Variants in UACA observed in about 807,000 individuals in gnomAD.
UACA encodes nuclear membrane binding protein.
In UACA, 112 loss-of-function variants were observed where a neutral mutation model predicts 160.5. The ratio of observed to expected loss-of-function variants is 0.70; its 90% confidence interval spans 0.60 to 0.82. The LOEUF (loss-of-function observed/expected upper bound fraction) is 0.82, where lower values mean the gene tolerates loss of function less well. UACA is among the 40% of genes least tolerant of loss of function. The pLI, the probability that UACA is intolerant of heterozygous loss-of-function variation, is 0.00. For synonymous variants in UACA, 557 were observed against 568.4 expected, an observed-to-expected ratio of 0.98 and a Z score of 0.29; for missense variants, 1,574 against 1,614.6, an observed-to-expected ratio of 0.97 and a Z score of 0.43.
intron 1 of UACA, among the ~76,000 whole-genome samples, chr15:70,718,136 G>C (rs919256004): frequency 6.6e-6 from 1 of 150,780 alleles, no homozygotes; most frequent in Non-Finnish European, 1.5e-5. Context: ...CATTTAAAAA[G>C]GGATATACTC....
intron 5 of UACA, among the ~76,000 whole-genome samples, chr15:70,689,669 G>GT (rs1244618896): frequency 6.6e-5 from 10 of 151,718 alleles, no homozygotes; most frequent in Non-Finnish European, 1.3e-4. Flanking sequence ...AAAGTAGACT[G>GT]TTTTTTTTCC....
At chr15:70,760,826 A>G (rs1389559038) in intron 1 of UACA, among the ~76,000 whole-genome samples, 2 of 152,032 alleles carry the variant, frequency 1.3e-5, no homozygotes, top group Non-Finnish European at 2.9e-5. Context: ...AAAAAACAGA[A>G]AAAGAAAAAT....
chr15:70,720,970 T>C (rs1190174744), intron 1 of UACA, among the ~76,000 whole-genome samples: 1 of 152,226 alleles, frequency 6.6e-6, no homozygotes, highest in African/African-American at 2.4e-5. Flanking sequence ...TCCATCATTC[T>C]GGATCTTAGG....
At position 70,671,946 on chromosome 15, in the gene UACA, T is replaced by C; in HGVS notation, c.1168+19A>G. 1 of 1,584,552 alleles carries C rather than the reference T, an allele frequency of 6.3e-7. No individual in the cohort carries two copies. The highest frequency in any genetic ancestry group is 8.6e-7 in the Non-Finnish European group (1 of 1,163,514). Reference sequence around the variant, plus strand: ...TGAACTAGGTGAACTGTAATGATAATCCATACTTTTATACTTACGGTTACT... The same window carrying C: ...TGAACTAGGTGAACTGTAATGATAACCCATACTTTTATACTTACGGTTACT... On this transcript the variant is annotated intron_variant, in intron 14 of 18. Transcript: ENST00000322954.
intron 9 of UACA, among the ~76,000 whole-genome samples, chr15:70,681,027 C>T (rs1331043572): frequency 6.6e-6 from 1 of 152,228 alleles, no homozygotes. Flanking sequence ...ACATGTCTAA[C>T]CTGCTCCCTC....
intron 1 of UACA, among the ~76,000 whole-genome samples, chr15:70,744,642 G>T (rs184354281): frequency 1.3e-5 from 2 of 152,328 alleles, no homozygotes; most frequent in East Asian, 3.9e-4. Flanking sequence ...CCTCAGGGGT[G>T]ACAGAAGAAA....
In UACA at chr15:70,667,379, G is replaced by C. The variant is rs771016231; in HGVS notation, c.3305C>G (p.Ala1102Gly). ...TTGTTTTTGCAAAAGATTTTGCACT[G>C]CAAGTATCTCAGAAGTCTGTTTGGC... ...ENAKQTSEIL[A>G]VQNLLQKQHV... Residue 1102 changes from alanine to glycine, a missense_variant, in exon 16 of 19, where the codon GCA becomes GGA. Transcript: ENST00000322954. 3.1e-6 allele frequency: 5 copies of C among 1,612,680 alleles called. No individual in the cohort carries two copies. Among genetic ancestry groups the C allele is most frequent in the Non-Finnish European group, 4.2e-6 (5 of 1,179,918 alleles).
rs1398383857 is a variant in UACA at position 70,699,553 on chromosome 15, G to A, written c.186C>T (p.Gly62=). Residue 62 remains glycine (G), a synonymous_variant, in exon 2 of 19, where the codon GGC becomes GGT. Coordinates refer to ENST00000322954, the MANE Select transcript of UACA (RefSeq NM_018003.4). ...SILAKKGVNP[G]KLDVEGRSVF... is the part of the protein sequence containing the mutation. ...CAGATCTGCCTTCCACATCTAGTTT[G>A]CCTGGATTGACCCCCTTTTTAGCAA... The A allele has an allele frequency of 6.2e-7, 1 of 1,610,042 alleles. No individual in the cohort carries two copies. Among genetic ancestry groups the A allele is most frequent in the Non-Finnish European group, 8.5e-7 (1 of 1,179,052 alleles).
upstream of UACA, among the ~76,000 whole-genome samples, chr15:70,766,643 G>A (rs759813045): frequency 2.6e-4 from 40 of 152,286 alleles, no homozygotes; most frequent in African/African-American, 8.7e-4. Context: ...AAATGTGTAA[G>A]CTGTATGCTA....
chr15:70,677,877 AC>A (rs1271685262), intron 11 of UACA, among the ~76,000 whole-genome samples: 2 of 152,150 alleles, frequency 1.3e-5, no homozygotes, highest in African/African-American at 2.4e-5. Context: ...GCGGCAGCCC[AC>A]AGTGATCTCT....
At chr15:70,662,878 C>T (rs1031577240) in intron 17 of UACA, among the ~76,000 whole-genome samples, 1 of 151,956 alleles carries the variant, frequency 6.6e-6, no homozygotes, top group African/African-American at 2.4e-5. Flanking sequence ...GGATTAAAGA[C>T]TTAAATGTTA....
At chr15:70,777,263 G>T in the UACA span, among the ~76,000 whole-genome samples, 3 of 152,182 alleles carry the variant, frequency 2.0e-5, no homozygotes, top group Non-Finnish European at 2.9e-5. Flanking sequence ...AGAAGGTCAG[G>T]AGATTGGTAT....
chr15:70,758,892 G>C (rs2030580571), intron 1 of UACA: 1 of 152,046 alleles, frequency 6.6e-6, no homozygotes, highest in Admixed American at 6.6e-5. Context: ...CTACGACTTT[G>C]TTTGTTTGTT....
At chr15:70,700,844 T>G (rs1336439861) in intron 1 of UACA, among the ~76,000 whole-genome samples, 1 of 152,084 alleles carries the variant, frequency 6.6e-6, no homozygotes, top group East Asian at 1.9e-4. Context: ...ATTTTTCACT[T>G]AACTTACAAA....
intron 7 of UACA, among the ~76,000 whole-genome samples, chr15:70,684,940 T>C (rs1372097356): frequency 1.3e-5 from 2 of 152,086 alleles, no homozygotes; most frequent in Non-Finnish European, 2.9e-5. Context: ...ACGTAAATAA[T>C]CACCACAAAA....
intron 1 of UACA, among the ~76,000 whole-genome samples, chr15:70,748,734 A>T (rs1293798615): frequency 2.0e-5 from 3 of 152,164 alleles, no homozygotes; most frequent in African/African-American, 7.2e-5. Context: ...CTCCGATTTC[A>T]TACACTGTCC....
chr15:70,662,826 T>C (rs1395290843), intron 17 of UACA, among the ~76,000 whole-genome samples: 2 of 152,172 alleles, frequency 1.3e-5, no homozygotes, highest in Non-Finnish European at 1.5e-5. Flanking sequence ...AAGCTGAAAC[T>C]GGATCCCTTC....
At chr15:70,771,244 G>A in the UACA span, among the ~76,000 whole-genome samples, 1 of 152,196 alleles carries the variant, frequency 6.6e-6, no homozygotes, top group Non-Finnish European at 1.5e-5. Flanking sequence ...GTTCACTATT[G>A]GAGATACCGT....
chr15:70,660,074 T>A, intron 18 of UACA, 77 bp downstream of exon 18: 1 of 1,206,504 alleles, frequency 8.3e-7, no homozygotes, highest in South Asian at 1.5e-5. Flanking sequence ...TCAATTACTT[T>A]CACATAAATT....
Sources: gnomAD v4.1 joint callset for allele counts (sites outside exome capture counted in the v4.1 genomes callset) on GRCh38, gnomAD v4.1.1 for gene constraint, MANE v1.5 for transcripts, NCBI Gene and HGNC (gene_info 2026-07-23, HGNC 2026-07-21) for gene names.